ADGRA3: variants seen among roughly 807,000 people sequenced by gnomAD.
ADGRA3 encodes the protein adhesion G protein-coupled receptor A3.
In ADGRA3, 56 loss-of-function variants were observed where a neutral mutation model predicts 119.8. The ratio of observed to expected loss-of-function variants is 0.47; its 90% CI spans 0.38 to 0.58. The LOEUF is 0.58. Among genes scored for constraint, ADGRA3 ranks in the 20% least tolerant of loss-of-function variants. The pLI, the probability that ADGRA3 is intolerant of heterozygous loss-of-function variation, is 0.00. For missense variants in ADGRA3, 1,516 were observed against 1,649.0 expected (o/e 0.92, Z 1.40); for synonymous variants, 607 against 623.8 (o/e 0.97, Z 0.40).
intron 1 of ADGRA3, among the ~76,000 whole-genome samples, chr4:22,504,794 T>C (rs1010570963): frequency 3.3e-5 from 5 of 152,066 alleles, no homozygotes; most frequent in African/African-American, 1.2e-4. Context: ...TTCAGGTCGC[T>C]GGGCTACTAA....
rs1447115591 is a variant in ADGRA3, at chr4:22,436,427, A to G, written c.1287+13T>C. 1 of 1,602,172 alleles carries G rather than the reference A, an allele frequency of 6.2e-7. No homozygotes were observed. Among genetic ancestry groups the G allele is most frequent in the Non-Finnish European group, 8.5e-7 (1 of 1,171,118 alleles). On this transcript the variant is annotated intron_variant, in intron 9 of 18. Coordinates refer to ENST00000334304, the MANE Select transcript of ADGRA3 (RefSeq NM_145290.4). Reference sequence around the variant, plus strand: ...CTCCACAACCCAAGTAAACATGAAGACTTTCTAGTTACCTGATTAAACATA... The same window carrying G: ...CTCCACAACCCAAGTAAACATGAAGGCTTTCTAGTTACCTGATTAAACATA...
At chr4:22,514,851 G>A (rs1279843115) in intron 1 of ADGRA3, among the ~76,000 whole-genome samples, 1 of 152,046 alleles carries the variant, frequency 6.6e-6, no homozygotes, top group Non-Finnish European at 1.5e-5. Context: ...AAAATCCCTC[G>A]AGTTGGAAGG....
chr4:22,424,495 C>A, intron 10 of ADGRA3, 143 bp from the exon 11 acceptor site: 1 of 806,388 alleles, frequency 1.2e-6, no homozygotes, highest in Non-Finnish European at 2.0e-6. Context: ...ACTTGTTTCT[C>A]ATGAAAACAT....
intron 16 of ADGRA3, 148 bp from the exon 17 acceptor site, chr4:22,392,838 C>A: frequency 1.6e-6 from 1 of 641,370 alleles, no homozygotes; most frequent in Non-Finnish European, 2.6e-6. Context: ...TAAGGCAACA[C>A]TGTGTTCTAA....
At chr4:22,475,630 C>G (rs567545435) in intron 1 of ADGRA3, among the ~76,000 whole-genome samples, 1 of 151,666 alleles carries the variant, frequency 6.6e-6, no homozygotes, top group Non-Finnish European at 1.5e-5. Flanking sequence ...GGGAGGCTGA[C>G]GCAGGAGAAT....
At chr4:22,444,348 C>T (rs554236282) in intron 6 of ADGRA3, among the ~76,000 whole-genome samples, 1 of 152,140 alleles carries the variant, frequency 6.6e-6, no homozygotes, top group South Asian at 2.1e-4. Flanking sequence ...TGCAATGGCA[C>T]GATCTCGGCT....
chr4:22,422,628 T>G (rs140042972), intron 11 of ADGRA3, among the ~76,000 whole-genome samples: 2 of 152,344 alleles, frequency 1.3e-5, no homozygotes, highest in Non-Finnish European at 2.9e-5. Flanking sequence ...ATCATTTTAC[T>G]TATTATACAT....
rs1031322432 is a variant in ADGRA3 at position 22,489,721 on chromosome 4, A to G, written c.258-15878T>C. Among the ~76,000 whole-genome samples the G allele has an allele frequency of 8.5e-5, 13 of 152,184 alleles. No individual in the cohort carries two copies. The East Asian group carries it at 2.3e-3, about 27-fold the overall frequency. ...TGGGTATTTCCATCACTCGGTTTCA[A>G]TATCTTTCCTACAGATTTGGTGAAT... On this transcript the variant is annotated intron_variant, in intron 1 of 18. Coordinates refer to ENST00000334304, the MANE Select transcript of ADGRA3 (RefSeq NM_145290.4).
chr4:22,397,338 C>T lies in ADGRA3; in HGVS notation c.2481+4093G>A, dbSNP rs374316011. 1.1e-4 allele frequency among the ~76,000 whole-genome samples: 16 copies of T among 151,950 alleles called. 1 individual carries two copies. The highest frequency in any genetic ancestry group is 6.2e-4 in the South Asian group (3 of 4,806). ...CTGGGACTACAGGCGAGCGCTACTA[C>T]GCTCAGCTAATTTTTGTACTTTTAG... On this transcript the variant is annotated intron_variant, in intron 16 of 18. Coordinates refer to ENST00000334304, the MANE Select transcript of ADGRA3 (RefSeq NM_145290.4).
chr4:22,417,820 T>C (rs1290488370), intron 12 of ADGRA3, among the ~76,000 whole-genome samples: 2 of 152,072 alleles, frequency 1.3e-5, no homozygotes, highest in African/African-American at 2.4e-5. Context: ...CAAGCAGGGA[T>C]GGACTGGAAA....
At chr4:22,448,060 T>C (rs1289922479) in intron 4 of ADGRA3, among the ~76,000 whole-genome samples, 1 of 152,114 alleles carries the variant, frequency 6.6e-6, no homozygotes, top group East Asian at 1.9e-4. Flanking sequence ...CTCTAGTCTA[T>C]CCTGTGTTAG....
In ADGRA3 at chr4:22,507,065, A is replaced by G. The variant is rs536320801; in HGVS notation, c.257+8463T>C. The stretch of plus-strand genomic sequence containing the variant: ...ATCCTTGCTAACACGATGAAACCCC[A>G]TCTCTACTAAAAATTAAAAAAAAAA... On this transcript the variant is annotated intron_variant, in intron 1 of 18. Transcript: ENST00000334304. Among the ~76,000 whole-genome samples the G allele has an allele frequency of 7.1e-4, 87 of 123,354 alleles. No homozygotes were observed. In the East Asian group the frequency reaches 0.014, roughly 20 times the overall value. The allele number at this position is 123,354 out of a possible 152,430, so 80.9% of individuals were successfully genotyped here. A position where few individuals can be genotyped will look rare whatever the true frequency, so the allele number is the denominator to read the frequency against.
rs1354956840 is a variant in ADGRA3 at position 22,515,692 on chromosome 4, G to A, written c.93C>T (p.Gly31=). The A allele has an allele frequency of 1.8e-6, 2 of 1,096,262 alleles. No individual in the cohort carries two copies. The highest frequency in any genetic ancestry group is 2.2e-6 in the Non-Finnish European group (2 of 905,294). The allele number at this position is 1,096,262 out of a possible 1,614,324, so 67.9% of individuals were successfully genotyped here. ...LLALLALLGG[G]GGGGAAALPA... ...GCAGCGCCGCGGCGCCGCCGCCGCC[G>A]CCGCCTCCCAGCAGCGCGAGCAGCG... Residue 31 remains glycine (G), a synonymous_variant, in exon 1 of 19, where the codon GGC becomes GGT. Transcript: ENST00000334304.
At chr4:22,409,678 C>G (rs1715108076) in intron 14 of ADGRA3, among the ~76,000 whole-genome samples, 1 of 152,132 alleles carries the variant, frequency 6.6e-6, no homozygotes, top group Non-Finnish European at 1.5e-5. Flanking sequence ...ACCACCATCA[C>G]CATCCTCTTC....
chr4:22,442,949 AT>A (rs1323299671), intron 6 of ADGRA3, 86 bp from the exon 7 acceptor site: 1 of 984,978 alleles, frequency 1.0e-6, no homozygotes, highest in Non-Finnish European at 1.6e-6. Flanking sequence ...AGGTAAAATA[AT>A]AAAAACAGAA....
At chr4:22,417,546 G>A (rs1715479003) in intron 12 of ADGRA3, among the ~76,000 whole-genome samples, 1 of 152,158 alleles carries the variant, frequency 6.6e-6, no homozygotes, top group African/African-American at 2.4e-5. Context: ...ATTCAGAAAG[G>A]TTAAGGTAGT....
intron 2 of ADGRA3, among the ~76,000 whole-genome samples, chr4:22,468,164 CAA>C (rs1300285439): frequency 3.3e-5 from 5 of 152,176 alleles, no homozygotes; most frequent in Non-Finnish European, 5.9e-5. Flanking sequence ...CCTCCAACCA[CAA>C]AGTCATAAAA....
chr4:22,467,883 T>C (rs1318037031), intron 2 of ADGRA3, among the ~76,000 whole-genome samples: 2 of 152,166 alleles, frequency 1.3e-5, no homozygotes, highest in African/African-American at 4.8e-5. Flanking sequence ...ATTGCTTAAA[T>C]AGAACTAAAG....
chr4:22,421,002 C>T lies in ADGRA3; in HGVS notation c.1693G>A (p.Ala565Thr), dbSNP rs910805841. ...TCCGAAAGTCCTGTACGATCAGAGG[C>T]TGCCACTTTCTGGAACACGGTACAG... The part of the protein sequence containing the change: ...MTCTVFQKVA[A>T]SDRTGLSDYG... The change falls in exon 12 of 19, where the codon GCC (alanine) becomes ACC (threonine). Residue 565 changes from alanine (A) to threonine (T), a missense_variant. By Grantham distance (58) the Ala-to-Thr change is moderately conservative (BLOSUM62 0). Coordinates refer to ENST00000334304, the MANE Select transcript of ADGRA3 (RefSeq NM_145290.4). 1.9e-6 allele frequency: 3 copies of T among 1,613,968 alleles called. No individual in the cohort carries two copies. The African/African-American group carries it at 4.0e-5, about 22-fold the overall frequency.
Sources: allele counts gnomAD v4.1 joint callset (sites outside exome capture counted in the v4.1 genomes callset), GRCh38; gene constraint gnomAD v4.1.1; transcripts MANE v1.5; gene names NCBI Gene and HGNC (gene_info 2026-07-23, HGNC 2026-07-21).